CFAP299: variants seen among roughly 807,000 people sequenced by gnomAD.
The protein encoded by CFAP299 is cilia and flagella associated protein 299.
CFAP299 carries 21 observed loss-of-function variants against 27.0 expected under a neutral mutation model. The ratio of observed to expected loss-of-function variants is 0.78; its 90% CI spans 0.55 to 1.12. The LOEUF (loss-of-function observed/expected upper bound fraction) is 1.12, where lower values mean the gene tolerates loss of function less well. CFAP299 is among the 50% of genes most tolerant of loss of function. The probability of loss-of-function intolerance (pLI) is 0.00; values close to 1 mark genes in which losing one functional copy is unlikely to be tolerated. For synonymous variants in CFAP299, 104 were observed against 98.1 expected, an observed-to-expected ratio of 1.06 and a Z score of -0.36; for missense variants, 310 against 276.6, an observed-to-expected ratio of 1.12 and a Z score of -0.86.
intron 3 of CFAP299, 29 bp from the exon 4 acceptor site, chr4:80,869,964 T>C (rs766185196): frequency 2.4e-5 from 37 of 1,568,952 alleles, no homozygotes; most frequent in Non-Finnish European, 3.2e-5. Context: ...TTTTATATTT[T>C]TGTCTTATTC....
chr4:80,644,727 A>G (rs1739903604), intron 3 of CFAP299, among the ~76,000 whole-genome samples: 1 of 152,150 alleles, frequency 6.6e-6, no homozygotes, highest in African/African-American at 2.4e-5. Flanking sequence ...TACTCTTTAG[A>G]AGAATTTTAT....
At chr4:80,480,771 G>A (rs1206957721) in intron 2 of CFAP299, among the ~76,000 whole-genome samples, 12 of 151,928 alleles carry the variant, frequency 7.9e-5, no homozygotes, top group Non-Finnish European at 1.8e-4. Context: ...AAAAATTCCT[G>A]AAGTTCTGGT....
At chr4:80,704,023 G>A (rs900332294) in intron 3 of CFAP299, among the ~76,000 whole-genome samples, 48 of 151,726 alleles carry the variant, frequency 3.2e-4, no homozygotes, top group African/African-American at 1.1e-3. Flanking sequence ...TTATGGATAC[G>A]TAGAATTTTG....
intron 2 of CFAP299, among the ~76,000 whole-genome samples, chr4:80,457,535 G>A (rs1729227367): frequency 6.6e-6 from 1 of 152,134 alleles, no homozygotes; most frequent in African/African-American, 2.4e-5. Context: ...ATGTGTAAAA[G>A]ATCTATTTGA....
chr4:80,817,362 T>C (rs1303757583), intron 3 of CFAP299, among the ~76,000 whole-genome samples: 1 of 152,114 alleles, frequency 6.6e-6, no homozygotes, highest in East Asian at 1.9e-4. Context: ...GTATTTTATG[T>C]TGTATTAATA....
intron 4 of CFAP299, among the ~76,000 whole-genome samples, chr4:80,900,759 A>T (rs1054232336): frequency 2.6e-5 from 4 of 151,812 alleles, no homozygotes. Flanking sequence ...TTTAAATAAT[A>T]ATAATAATAA....
At chr4:80,920,123 A>G (rs1386674008) in intron 4 of CFAP299, among the ~76,000 whole-genome samples, 1 of 151,984 alleles carries the variant, frequency 6.6e-6, no homozygotes, top group Admixed American at 6.6e-5. Flanking sequence ...TTTCAAAGGT[A>G]CAGGGAAAGA....
At chr4:80,948,726 C>T (rs1737605104) in intron 5 of CFAP299, among the ~76,000 whole-genome samples, 1 of 151,838 alleles carries the variant, frequency 6.6e-6, no homozygotes. Flanking sequence ...TCTCACTTCC[C>T]ATTTCTGAGA....
intron 2 of CFAP299, among the ~76,000 whole-genome samples, chr4:80,575,078 A>T (rs1735783901): frequency 1.3e-5 from 2 of 152,134 alleles, no homozygotes; most frequent in African/African-American, 4.8e-5. Flanking sequence ...TTAGCAGTAA[A>T]GTCATTGGGT....
intron 2 of CFAP299, among the ~76,000 whole-genome samples, chr4:80,380,454 A>C (rs1243141761): frequency 7.4e-6 from 1 of 135,762 alleles, no homozygotes; most frequent in African/African-American, 2.8e-5. Context: ...TTTAGATAGA[A>C]TCTCACTCTG....
At chr4:80,690,409 A>G (rs1272999746) in intron 3 of CFAP299, among the ~76,000 whole-genome samples, 2 of 152,222 alleles carry the variant, frequency 1.3e-5, no homozygotes, top group East Asian at 1.9e-4. Flanking sequence ...CCACTCAACT[A>G]TAGGGAAACT....
At chr4:80,532,891 A>G (rs924510551) in intron 2 of CFAP299, among the ~76,000 whole-genome samples, 4 of 151,960 alleles carry the variant, frequency 2.6e-5, no homozygotes, top group Non-Finnish European at 5.9e-5. Flanking sequence ...GGTACAAAGG[A>G]CCTCCCACAA....
chr4:80,469,503 T>G (rs1201178792), intron 2 of CFAP299, among the ~76,000 whole-genome samples: 1 of 152,138 alleles, frequency 6.6e-6, no homozygotes, highest in East Asian at 1.9e-4. Context: ...AAACATAAAA[T>G]TATGCATTAG....
chr4:80,712,058 G>A (rs1002979867), intron 3 of CFAP299, among the ~76,000 whole-genome samples: 2 of 152,148 alleles, frequency 1.3e-5, no homozygotes, highest in African/African-American at 4.8e-5. Flanking sequence ...GTACTGCCAA[G>A]TGCACGTATC....
the CFAP299 span, among the ~76,000 whole-genome samples, chr4:80,321,555 C>G: frequency 6.6e-6 from 1 of 152,100 alleles, no homozygotes; most frequent in Non-Finnish European, 1.5e-5. Context: ...CATGAAGGGC[C>G]GCTCCCCCAT....
At chr4:80,436,748 C>T (rs903584) in intron 2 of CFAP299, among the ~76,000 whole-genome samples, 144,034 of 152,224 alleles carry the variant, frequency 0.95, 68,652 homozygotes, top group East Asian at 1. Flanking sequence ...AAATATAATA[C>T]GACCTTTTGT....
intron 3 of CFAP299, among the ~76,000 whole-genome samples, chr4:80,637,808 T>C (rs1218781541): frequency 5.9e-5 from 9 of 152,168 alleles, no homozygotes; most frequent in African/African-American, 2.2e-4. Context: ...AAAACTAACA[T>C]GTGCAAACAG....
intron 2 of CFAP299, among the ~76,000 whole-genome samples, chr4:80,469,998 T>C (rs1729908049): frequency 6.6e-6 from 1 of 152,168 alleles, no homozygotes; most frequent in Non-Finnish European, 1.5e-5. Flanking sequence ...TGCTTAAGAA[T>C]ACTAGAAAAG....
chr4:80,387,571 T>G, intron 2 of CFAP299: 1 of 1,042,020 alleles, frequency 9.6e-7, no homozygotes, highest in Non-Finnish European at 1.5e-6. Flanking sequence ...CCTACTGGGG[T>G]TCAGGGCCAA....
Sources: allele counts gnomAD v4.1 joint callset (sites outside exome capture counted in the v4.1 genomes callset), GRCh38; gene constraint gnomAD v4.1.1; transcripts MANE v1.5; gene names NCBI Gene and HGNC (gene_info 2026-07-23, HGNC 2026-07-21).